POLA1: variants seen among roughly 807,000 people sequenced by gnomAD.
POLA1 encodes the protein DNA polymerase alpha 1, catalytic subunit, also known as DNA polymerase alpha catalytic subunit.
Under a neutral mutation model 124.0 loss-of-function variants are expected in POLA1, and 15 were observed. The ratio of observed to expected loss-of-function variants is 0.12; its 90% CI spans 0.08 to 0.19. The LOEUF is 0.19. Among genes scored for constraint, POLA1 ranks in the 10% least tolerant of loss-of-function variants. The pLI, the probability that POLA1 is intolerant of heterozygous loss-of-function variation, is 1.00. For synonymous variants in POLA1, 408 were observed against 389.4 expected (o/e 1.05, Z -0.56); for missense variants, 886 against 1,103.4 (o/e 0.80, Z 2.79).
intron 16 of POLA1, among the ~76,000 whole-genome samples, chrX:24,733,203 G>A (rs1446652454): frequency 8.9e-6 from 1 of 112,042 alleles, no homozygotes; most frequent in African/African-American, 3.2e-5. Context: ...TGATTGTTGT[G>A]AAGTTTTCCC....
At chrX:24,761,657 C>T (rs772400034) in intron 26 of POLA1, among the ~76,000 whole-genome samples, 5 of 111,823 alleles carry the variant, frequency 4.5e-5, no homozygotes, top group Middle Eastern at 4.6e-3. Flanking sequence ...AGGAAAAATC[C>T]GGGTATTTCT....
At chrX:24,763,869 C>G (rs1345706643) in intron 26 of POLA1, among the ~76,000 whole-genome samples, 3 of 111,545 alleles carry the variant, frequency 2.7e-5, no homozygotes, top group African/African-American at 9.8e-5. Context: ...ATGTAATTAT[C>G]CATAGTTTAT....
chrX:24,870,336 T>G (rs748714898), intron 34 of POLA1, among the ~76,000 whole-genome samples: 1 of 112,250 alleles, frequency 8.9e-6, no homozygotes, highest in Non-Finnish European at 1.9e-5. Flanking sequence ...GGTGACCAGT[T>G]AGCGCAATAT....
At position 24,811,385 on chromosome X, in the gene POLA1, C is replaced by G. The variant is rs766778464; in HGVS notation, c.3090+585C>G. Among the ~76,000 whole-genome samples, 8 of 110,246 alleles carry G rather than the reference C, an allele frequency of 7.3e-5. No homozygotes were observed. The East Asian group carries it at 2.3e-3, about 31-fold the overall frequency. ...ACTCCCTGCAACCTCTGACTCCCTG[C>G]TTCAAGCAATTCTACTGCCTCATCC... On this transcript the variant is annotated intron_variant, in intron 28 of 36. Transcript: ENST00000379068.
At chrX:24,843,017 A>C (rs1569335240) in intron 33 of POLA1, among the ~76,000 whole-genome samples, 1 of 111,608 alleles carries the variant, frequency 9.0e-6, no homozygotes, top group East Asian at 2.8e-4. Context: ...TTTTTTGGAA[A>C]AATTGCCAAA....
chrX:24,954,286 T>C (rs2048080396), intron 36 of POLA1, among the ~76,000 whole-genome samples: 1 of 112,553 alleles, frequency 8.9e-6, no homozygotes, highest in South Asian at 3.6e-4. Context: ...TTAATTAGTA[T>C]TTTTTAAAAA....
chrX:24,812,741 A>G lies in POLA1; in HGVS notation c.3174A>G (p.Lys1058=). The G allele has an allele frequency of 1.7e-6, 2 of 1,202,236 alleles. No individual in the cohort carries two copies. The highest frequency in any genetic ancestry group is 2.3e-6 in the Non-Finnish European group (2 of 886,808). ...GVFKSLLLLK[K]KKYAALVVEP... Reference sequence around the variant, plus strand: ...TCAAGTCTCTGCTACTGCTGAAAAAAAAGAAGTACGCTGCTCTGGTTGTTG... The same window carrying G: ...TCAAGTCTCTGCTACTGCTGAAAAAGAAGAAGTACGCTGCTCTGGTTGTTG... The change falls in exon 29 of 37, where the codon AAA becomes AAG. Residue 1058 remains lysine, a synonymous_variant. Transcript: ENST00000379068.
intron 35 of POLA1, among the ~76,000 whole-genome samples, chrX:24,889,711 G>A (rs2043610320): frequency 8.9e-6 from 1 of 112,112 alleles, no homozygotes; most frequent in Admixed American, 9.4e-5. Context: ...TAGAAATGGA[G>A]TCCTGCTATG....
At chrX:24,905,421 G>T (rs1344272149) in intron 35 of POLA1, among the ~76,000 whole-genome samples, 33 of 92,095 alleles carry the variant, frequency 3.6e-4, no homozygotes, top group Non-Finnish European at 4.7e-4. Flanking sequence ...GCTGGGGTGG[G>T]GGGGTGGGGG....
intron 2 of POLA1, among the ~76,000 whole-genome samples, chrX:24,700,661 A>G (rs992470734): frequency 9.0e-6 from 1 of 111,062 alleles, no homozygotes; most frequent in Non-Finnish European, 1.9e-5. Flanking sequence ...GGCGCCCACC[A>G]CCACGCCTGG....
chrX:24,930,382 C>A (rs188756937), intron 35 of POLA1, 71 bp from the exon 36 acceptor site: 2 of 697,592 alleles, frequency 2.9e-6, no homozygotes, highest in Admixed American at 4.8e-5. Context: ...GGGATACACT[C>A]TGCTGAGAGT....
intron 34 of POLA1, among the ~76,000 whole-genome samples, chrX:24,849,044 T>A (rs1402666436): frequency 8.8e-6 from 1 of 113,379 alleles, no homozygotes; most frequent in Non-Finnish European, 1.9e-5. Context: ...GGTTGCAATA[T>A]GCAGTAGAAT....
chrX:24,861,469 G>T (rs2046715386), intron 34 of POLA1, among the ~76,000 whole-genome samples: 1 of 112,626 alleles, frequency 8.9e-6, no homozygotes, highest in African/African-American at 3.2e-5. Flanking sequence ...TCTCTAGAAG[G>T]ATCTGAATTC....
intron 34 of POLA1, among the ~76,000 whole-genome samples, chrX:24,870,331 C>G (rs1371791997): frequency 8.9e-6 from 1 of 112,068 alleles, no homozygotes; most frequent in African/African-American, 3.2e-5. Flanking sequence ...CAGTTGGTGA[C>G]CAGTTAGCGC....
At position 24,801,922 on chromosome X, in the gene POLA1, TGG is replaced by T. The variant is rs1491072799; in HGVS notation, c.2965-7974_2965-7973del. Among the ~76,000 whole-genome samples, 96 of 85,160 alleles carry T rather than the reference TGG, an allele frequency of 1.1e-3. 1 individual carries two copies. Among genetic ancestry groups the T allele is most frequent in the Middle Eastern group, 6.0e-3 (1 of 167 alleles). 74.0% of individuals were successfully genotyped at this position (85,160 alleles called of 115,157 possible). A position where few individuals can be genotyped will look rare whatever the true frequency, so the allele number is the denominator to read the frequency against. ...AAACAGAGCCACTAGGAGAGGTGGG[TGG>T]GTGTGTGTGTGTGTGTGTGTGTGTG... On this transcript the variant is annotated intron_variant, in intron 26 of 36. Transcript: ENST00000379068.
intron 34 of POLA1, among the ~76,000 whole-genome samples, chrX:24,864,809 T>C (rs1177136620): frequency 1.8e-5 from 2 of 111,494 alleles, no homozygotes; most frequent in Non-Finnish European, 3.8e-5. Flanking sequence ...TAGTCTCTTA[T>C]AGTCGTTCTT....
chrX:24,732,975 C>A (rs1169514015), intron 16 of POLA1, among the ~76,000 whole-genome samples: 1 of 112,059 alleles, frequency 8.9e-6, no homozygotes, highest in African/African-American at 3.2e-5. Context: ...ATGAGTCAGT[C>A]TCCAAGGAGG....
intron 26 of POLA1, among the ~76,000 whole-genome samples, chrX:24,767,923 G>C: frequency 8.9e-6 from 1 of 112,082 alleles, no homozygotes; most frequent in Middle Eastern, 4.7e-3. Context: ...TTTTATAGTT[G>C]AGAGAACTGA....
At chrX:24,833,571 T>A (rs755575813) in intron 32 of POLA1, among the ~76,000 whole-genome samples, 58 of 111,646 alleles carry the variant, frequency 5.2e-4, no homozygotes, top group Middle Eastern at 9.2e-3. Flanking sequence ...TATTTTTTTT[T>A]AATTTTTTGA....
Sources: allele counts gnomAD v4.1 joint callset (sites outside exome capture counted in the v4.1 genomes callset), GRCh38; gene constraint gnomAD v4.1.1; transcripts MANE v1.5; gene names NCBI Gene and HGNC (gene_info 2026-07-23, HGNC 2026-07-21).